Variants in ADD1 observed in about 807,000 individuals in gnomAD.
The protein encoded by ADD1 is alpha-adducin.
Under a neutral mutation model 80.5 loss-of-function variants are expected in ADD1, and 24 were observed. The ratio of observed to expected loss-of-function variants is 0.30; its 90% CI spans 0.22 to 0.42. The LOEUF (loss-of-function observed/expected upper bound fraction) is 0.42. ADD1 is among the 10% of genes least tolerant of loss of function. The probability of loss-of-function intolerance (pLI) is 1.00; values close to 1 mark genes in which losing one functional copy is unlikely to be tolerated. For missense variants in ADD1, 948 were observed against 1,019.0 expected, an observed-to-expected ratio of 0.93 and a Z score of 0.95; for synonymous variants, 373 against 393.8, an observed-to-expected ratio of 0.95 and a Z score of 0.63.
intron 14 of ADD1, among the ~76,000 whole-genome samples, chr4:2,918,303 G>A (rs1560249130): frequency 6.6e-6 from 1 of 152,172 alleles, no homozygotes; most frequent in Non-Finnish European, 1.5e-5. Flanking sequence ...GTTCACTCAT[G>A]ATTTGACTCT....
intron 1 of ADD1, among the ~76,000 whole-genome samples, chr4:2,845,377 A>T (rs1378095958): frequency 6.6e-6 from 1 of 152,188 alleles, no homozygotes; most frequent in Non-Finnish European, 1.5e-5. Flanking sequence ...GGCCTACGTT[A>T]AAATTTTAAT....
At chr4:2,845,500 A>G (rs1726063901) in intron 1 of ADD1, among the ~76,000 whole-genome samples, 1 of 152,182 alleles carries the variant, frequency 6.6e-6, no homozygotes, top group South Asian at 2.1e-4. Flanking sequence ...GTGGTTTACA[A>G]TGGTATGGAC....
rs1711692636 is a variant in ADD1 at position 2,926,592 on chromosome 4, A to G, written c.2047+480A>G. On this transcript the variant is annotated intron_variant, in intron 15 of 15. Transcript: ENST00000683351. The surrounding 1 kb of genome is among the most constrained non-coding windows in gnomAD (Gnocchi z 5.0). ...TAACCTGATGGCTGTGACTGAATGC[A>G]TAGATTCTCTCCTTGTGCTTTTTTC... 3 of 1,607,062 alleles carry G rather than the reference A, an allele frequency of 1.9e-6. No individual in the cohort carries two copies. Among genetic ancestry groups the G allele is most frequent in the Admixed American group, 3.4e-5 (2 of 59,672 alleles).
At chr4:2,862,592 C>T (rs542363873) in intron 1 of ADD1, among the ~76,000 whole-genome samples, 38 of 152,258 alleles carry the variant, frequency 2.5e-4, no homozygotes, top group African/African-American at 8.9e-4. Flanking sequence ...TGGCCTAGTG[C>T]TCTCACCACC....
chr4:2,871,063 G>C (rs1730358516), intron 1 of ADD1, among the ~76,000 whole-genome samples: 2 of 151,668 alleles, frequency 1.3e-5, no homozygotes, highest in African/African-American at 2.4e-5. Context: ...GTGCCTGCCG[G>C]GTTCATGCCA....
intron 1 of ADD1, among the ~76,000 whole-genome samples, chr4:2,864,133 C>T (rs1243800338): frequency 3.9e-5 from 6 of 152,196 alleles, no homozygotes; most frequent in African/African-American, 1.2e-4. Context: ...GAATTTATGG[C>T]CGGGCGTGGT....
intron 4 of ADD1, among the ~76,000 whole-genome samples, chr4:2,885,678 C>A (rs779768083): frequency 3.3e-5 from 5 of 151,586 alleles, no homozygotes; most frequent in African/African-American, 1.2e-4. Context: ...GGTGCAATCT[C>A]GGCTCACTGC....
At chr4:2,914,023 C>A (rs1738529671) in intron 13 of ADD1, among the ~76,000 whole-genome samples, 1 of 150,948 alleles carries the variant, frequency 6.6e-6, no homozygotes, top group Non-Finnish European at 1.5e-5. Context: ...TGCGCCACTA[C>A]ACTCCAGCCT....
chr4:2,902,484 AT>A (rs1736351546), intron 9 of ADD1: 1 of 152,250 alleles, frequency 6.6e-6, no homozygotes, highest in Non-Finnish European at 1.5e-5. Flanking sequence ...GATGCCTGTC[AT>A]CCCAGCACTT....
At chr4:2,851,928 G>A (rs576850911) in intron 1 of ADD1, among the ~76,000 whole-genome samples, 3 of 151,630 alleles carry the variant, frequency 2.0e-5, no homozygotes, top group Admixed American at 6.6e-5. Flanking sequence ...CGCAACCTCC[G>A]CCTCCCAGGT....
In ADD1 at chr4:2,928,665, G is replaced by A. The variant is rs1298803990; in HGVS notation, c.*142G>A. The A allele has an allele frequency of 3.1e-5, 27 of 857,148 alleles. No homozygotes were observed. Among genetic ancestry groups the A allele is most frequent in the South Asian group, 2.9e-4 (17 of 59,488 alleles). The allele number at this position is 857,148 out of a possible 1,614,324, so 53.1% of individuals were successfully genotyped here. ...GAGGTCCCCTCACGTGACCAGCCCC[G>A]TGTAGCCCCGGGCTGACCCAGTGTG... On this transcript the variant is annotated 3_prime_UTR_variant, in exon 16 of 16. Coordinates refer to ENST00000683351, the MANE Select transcript of ADD1 (RefSeq NM_001354761.2).
rs1296936449 is a variant in ADD1 at position 2,894,047 on chromosome 4, T to A, written c.545T>A (p.Ile182Asn). The A allele has an allele frequency of 2.5e-6, 4 of 1,614,218 alleles. No individual in the cohort carries two copies. Among genetic ancestry groups the A allele is most frequent in the South Asian group, 2.2e-5 (2 of 91,090 alleles). ...AACTCCGAGCAGGAACACTTCCTCA[T>A]TGTCCCTTTTGGGCTTCTTTACAGT... is the stretch of plus-strand genomic sequence containing the variant. ...RVNSEQEHFL[I>N]VPFGLLYSEV... is the part of the protein sequence containing the mutation. Residue 182 changes from isoleucine to asparagine, a missense_variant, in exon 5 of 16, where the codon ATT (isoleucine) becomes AAT (asparagine). By Grantham distance (149) the Ile-to-Asn change is moderately radical (BLOSUM62 -3). Coordinates refer to ENST00000683351, the MANE Select transcript of ADD1 (RefSeq NM_001354761.2).
chr4:2,888,760 A>G (rs1448247196), intron 4 of ADD1, among the ~76,000 whole-genome samples: 2 of 152,154 alleles, frequency 1.3e-5, no homozygotes, highest in African/African-American at 4.8e-5. Context: ...TCAGCAGTAG[A>G]TAGGAAATGG....
chr4:2,845,806 A>G (rs1560129656), intron 1 of ADD1, among the ~76,000 whole-genome samples: 1 of 152,274 alleles, frequency 6.6e-6, no homozygotes, highest in Non-Finnish European at 1.5e-5. Context: ...ATTGAATAAG[A>G]AAAGTAAATA....
intron 3 of ADD1, among the ~76,000 whole-genome samples, chr4:2,883,317 G>GTTT (rs61653919): frequency 7.0e-6 from 1 of 142,888 alleles, no homozygotes; most frequent in Non-Finnish European, 1.5e-5. Flanking sequence ...TGAACAATTA[G>GTTT]TTTTTTTTTT....
At chr4:2,895,545 C>A (rs142060342) in intron 6 of ADD1, among the ~76,000 whole-genome samples, 1 of 151,996 alleles carries the variant, frequency 6.6e-6, no homozygotes, top group South Asian at 2.1e-4. Flanking sequence ...TGTCCAGCTC[C>A]CCGCAGCCAA....
In ADD1 at chr4:2,926,208, G is replaced by A. The variant is rs574869647; in HGVS notation, c.2047+96G>A. The stretch of plus-strand genomic sequence containing the variant: ...GCGGGAGTCGTGTTAACAGCAACAC[G>A]GAAGTGTGTGCTTGCATCAGCGCCA... On this transcript the variant is annotated intron_variant, in intron 15 of 15. Coordinates refer to ENST00000683351, the MANE Select transcript of ADD1 (RefSeq NM_001354761.2). The surrounding 1 kb of genome is among the most constrained non-coding windows in gnomAD (Gnocchi z 5.0). 386 of 1,067,032 alleles carry A rather than the reference G, an allele frequency of 3.6e-4. 1 individual carries two copies. In the African/African-American group the frequency reaches 4.3e-3, roughly 12 times the overall value. 66.1% of individuals were successfully genotyped at this position (1,067,032 alleles called of 1,614,324 possible).
intron 12 of ADD1, 195 bp downstream of exon 12, chr4:2,908,799 G>A (rs1737499757): frequency 1.7e-6 from 1 of 599,994 alleles, no homozygotes; most frequent in South Asian, 2.0e-5. Flanking sequence ...GCATGCTGAG[G>A]GCTGTGTCCA....
chr4:2,857,429 G>A (rs187836667), intron 1 of ADD1, among the ~76,000 whole-genome samples: 3 of 152,162 alleles, frequency 2.0e-5, no homozygotes, highest in Admixed American at 2.0e-4. Flanking sequence ...TGGGTAAATC[G>A]AAACCCTGTC....
Sources: gnomAD v4.1 joint callset for allele counts (sites outside exome capture counted in the v4.1 genomes callset) on GRCh38, gnomAD v4.1.1 for gene constraint, Gnocchi (gnomAD v3.1) non-coding constraint, MANE v1.5 for transcripts, NCBI Gene and HGNC (gene_info 2026-07-23, HGNC 2026-07-21) for gene names.